The following GTF2A1L variants were observed in gnomAD, a reference collection of about 807,000 sequenced individuals.
GTF2A1L encodes the protein TFIIA-alpha and beta-like factor.
Under a neutral mutation model 49.7 loss-of-function variants are expected in GTF2A1L, and 48 were observed. The ratio of observed to expected loss-of-function variants is 0.97; its 90% CI spans 0.77 to 1.23. The LOEUF (loss-of-function observed/expected upper bound fraction) is 1.23. Ranked by LOEUF, GTF2A1L falls within the 50% of genes most tolerant of loss-of-function variation. The pLI is 0.00. For synonymous variants in GTF2A1L, 246 were observed against 193.5 expected (o/e 1.27, Z -2.25); for missense variants, 736 against 564.8 (o/e 1.30, Z -3.07).
At chr2:48,670,058 A>G in intron 7 of GTF2A1L, 76 bp downstream of exon 7, 1 of 1,508,122 alleles carries the variant, frequency 6.6e-7, no homozygotes, top group Non-Finnish European at 8.8e-7. Context: ...TGGAACCAAA[A>G]GGAATAGCAA....
chr2:48,621,393 G>C (rs1331357563), intron 3 of GTF2A1L, 103 bp downstream of exon 3: 2 of 1,485,382 alleles, frequency 1.3e-6, no homozygotes, highest in African/African-American at 2.8e-5. Context: ...GGGTGAGAAG[G>C]CTTGGACACC....
chr2:48,644,928 A>G lies in GTF2A1L; in HGVS notation c.304-105A>G, dbSNP rs1467176345. ...TAATATTAAATGTTAAGTATTGTCA[A>G]ACTATTGTCCAGAATCAGATTTTTT... On this transcript the variant is annotated intron_variant, in intron 4 of 8. Coordinates refer to ENST00000403751, the MANE Select transcript of GTF2A1L (RefSeq NM_006872.5). The G allele has an allele frequency of 3.1e-6, 3 of 960,498 alleles. No homozygotes were observed. The African/African-American group carries it at 5.1e-5, about 16-fold the overall frequency. The allele number at this position is 960,498 out of a possible 1,614,324, so 59.5% of individuals were successfully genotyped here.
chr2:48,645,318 T>A (rs188467313), intron 5 of GTF2A1L, among the ~76,000 whole-genome samples: 153 of 152,358 alleles, frequency 1.0e-3, no homozygotes, highest in African/African-American at 3.6e-3. Flanking sequence ...AGGCCTGTCC[T>A]ATATTTGATT....
chr2:48,642,870 A>G (rs925373844), intron 4 of GTF2A1L, among the ~76,000 whole-genome samples: 15 of 147,806 alleles, frequency 1.0e-4, no homozygotes, highest in Admixed American at 1.0e-3. Context: ...GAAAAAAAAA[A>G]AAAGATGTGG....
Position 48,647,018 on chromosome 2 carries a change from C to T in GTF2A1L, c.954C>T (p.Pro318=). The T allele has an allele frequency of 6.2e-7, 1 of 1,611,394 alleles. No individual in the cohort carries two copies. Among genetic ancestry groups the T allele is most frequent in the Non-Finnish European group, 8.5e-7 (1 of 1,178,748 alleles). The change falls in exon 6 of 9, where the codon CCC becomes CCT. Residue 318 remains proline (P), a synonymous_variant. Coordinates refer to ENST00000403751, the MANE Select transcript of GTF2A1L (RefSeq NM_006872.5). ...AGCAACCAAGAAATATAGAGGAACCCAGCAACATACCTGTATCAGAGAAGG... is the reference window on the plus strand; with the variant it reads ...AGCAACCAAGAAATATAGAGGAACCTAGCAACATACCTGTATCAGAGAAGG... ...SVKQPRNIEE[P]SNIPVSEKDS... is the part of the protein sequence containing the mutation.
rs1329988707 is a variant in GTF2A1L, at chr2:48,627,223, T to C, written c.247+5933T>C. The stretch of plus-strand genomic sequence containing the variant: ...GGAAAAAAGGGAAGCATTTTAATAG[T>C]ATTTTCAGATAATTGATAACTACAC... On this transcript the variant is annotated intron_variant, in intron 3 of 8. Transcript: ENST00000403751. Among the ~76,000 whole-genome samples the C allele has an allele frequency of 1.4e-5, 2 of 144,266 alleles. 1 individual carries two copies. Among genetic ancestry groups the C allele is most frequent in the Non-Finnish European group, 3.1e-5 (2 of 64,078 alleles). 94.6% of individuals were successfully genotyped at this position (144,266 alleles called of 152,430 possible).
At chr2:48,655,794 C>G (rs1344196976) in intron 6 of GTF2A1L, among the ~76,000 whole-genome samples, 1 of 152,104 alleles carries the variant, frequency 6.6e-6, no homozygotes, top group African/African-American at 2.4e-5. Flanking sequence ...CACCACCCAT[C>G]TCTAGAAATT....
intron 3 of GTF2A1L, chr2:48,632,931 C>G: frequency 4.3e-6 from 1 of 232,712 alleles, no homozygotes; most frequent in Non-Finnish European, 8.9e-6. Context: ...AGCAACTATG[C>G]CATCTGGATT....
At chr2:48,668,154 C>G (rs1678951122) in intron 6 of GTF2A1L, among the ~76,000 whole-genome samples, 1 of 152,052 alleles carries the variant, frequency 6.6e-6, no homozygotes, top group African/African-American at 2.4e-5. Flanking sequence ...AATATTTGTC[C>G]TGTGTTTGCC....
intron 6 of GTF2A1L, among the ~76,000 whole-genome samples, chr2:48,651,628 AATT>A (rs1677852320): frequency 6.6e-6 from 1 of 152,180 alleles, no homozygotes; most frequent in Admixed American, 6.5e-5. Context: ...CACAGCCAAT[AATT>A]CTAAAAGAAG....
At chr2:48,673,154 A>T (rs1230115527) in intron 8 of GTF2A1L, among the ~76,000 whole-genome samples, 1 of 152,186 alleles carries the variant, frequency 6.6e-6, no homozygotes, top group South Asian at 2.1e-4. Flanking sequence ...GCTGAATAAT[A>T]GTCTATTGAA....
At position 48,651,278 on chromosome 2, in the gene GTF2A1L, T is replaced by A. The variant is rs1445925612; in HGVS notation, c.978+4236T>A. On this transcript the variant is annotated intron_variant, in intron 6 of 8. Transcript: ENST00000403751. ...TCATCTGCATTAGAATTGTTGACAT[T>A]TCTTTCACGTTTGGCTGGAATTCAT... 1.3e-5 allele frequency among the ~76,000 whole-genome samples: 2 copies of A among 152,296 alleles called. 1 individual carries two copies. The highest frequency in any genetic ancestry group is 3.9e-4 in the East Asian group (2 of 5,190).
At chr2:48,676,158 G>A (rs151217740) in intron 8 of GTF2A1L, among the ~76,000 whole-genome samples, 169 of 151,642 alleles carry the variant, frequency 1.1e-3, no homozygotes, top group African/African-American at 4.0e-3. Flanking sequence ...TTTAAACAAC[G>A]TATCTGTCAG....
chr2:48,652,968 G>C (rs1381548025), intron 6 of GTF2A1L, among the ~76,000 whole-genome samples: 1 of 151,824 alleles, frequency 6.6e-6, no homozygotes, highest in African/African-American at 2.4e-5. Context: ...GGTGGCTCAC[G>C]CCTGTAATCC....
rs181456602 is a variant in GTF2A1L at position 48,671,556 on chromosome 2, T to G, written c.1240-35T>G. 1.2e-4 allele frequency: 186 copies of G among 1,595,368 alleles called. 1 individual carries two copies. The highest frequency in any genetic ancestry group is 9.5e-4 in the Admixed American group (54 of 56,748). On this transcript the variant is annotated intron_variant, in intron 7 of 8. Coordinates refer to ENST00000403751, the MANE Select transcript of GTF2A1L (RefSeq NM_006872.5). ...TATCTTTAAACAATTTAAAGCATCA[T>G]AAAATTCCTTAATGTGATCATCTTT...
chr2:48,647,075 G>C lies in GTF2A1L; in HGVS notation c.978+33G>C, dbSNP rs772698788. The C allele has an allele frequency of 2.6e-6, 4 of 1,514,330 alleles. No individual in the cohort carries two copies. The African/African-American group carries it at 4.2e-5, about 16-fold the overall frequency. The allele number at this position is 1,514,330 out of a possible 1,614,324, so 93.8% of individuals were successfully genotyped here. A position where few individuals can be genotyped will look rare whatever the true frequency, so the allele number is the denominator to read the frequency against. On this transcript the variant is annotated intron_variant, in intron 6 of 8. Coordinates refer to ENST00000403751, the MANE Select transcript of GTF2A1L (RefSeq NM_006872.5). ...TCTGTGTCCAACTTCTTGGTATCAG[G>C]GGACAGATAGTGGCCAGTAACTGGA...
chr2:48,631,219 A>G (rs913036283), intron 3 of GTF2A1L, among the ~76,000 whole-genome samples: 2 of 152,164 alleles, frequency 1.3e-5, no homozygotes, highest in African/African-American at 2.4e-5. Flanking sequence ...TACTTTGAAC[A>G]TCTGGTAGAA....
chr2:48,633,489 C>T (rs999574268), intron 3 of GTF2A1L: 16 of 152,350 alleles, frequency 1.1e-4, no homozygotes, highest in African/African-American at 3.9e-4. Context: ...GTTTTTATTC[C>T]TCTGTGGTCT....
chr2:48,674,135 T>C (rs1679328563), intron 8 of GTF2A1L, among the ~76,000 whole-genome samples: 1 of 152,098 alleles, frequency 6.6e-6, no homozygotes. Flanking sequence ...TACTCAGGAG[T>C]TGAATTCCTG....
Sources: allele counts gnomAD v4.1 joint callset (sites outside exome capture counted in the v4.1 genomes callset), GRCh38; gene constraint gnomAD v4.1.1; transcripts MANE v1.5; gene names NCBI Gene and HGNC (gene_info 2026-07-23, HGNC 2026-07-21).